Variants in PLXNC1 observed in about 807,000 individuals in gnomAD.
The protein encoded by PLXNC1 is plexin-C1.
In PLXNC1, 75 loss-of-function variants were observed where a neutral mutation model predicts 178.2. The ratio of observed to expected loss-of-function variants is 0.42; its 90% CI spans 0.35 to 0.51. PLXNC1 has a LOEUF of 0.51. PLXNC1 is among the 20% of genes least tolerant of loss of function. The pLI is 0.02. For synonymous variants in PLXNC1, 790 were observed against 779.9 expected (o/e 1.01, Z -0.22); for missense variants, 1,503 against 1,984.4 (o/e 0.76, Z 4.61).
At chr12:94,215,824 A>G (rs73226229) in intron 5 of PLXNC1, among the ~76,000 whole-genome samples, 4,166 of 152,316 alleles carry the variant, frequency 0.027, 82 homozygotes, top group Middle Eastern at 0.044. Context: ...TAAGAAATTG[A>G]TATGTAAAGC....
At position 94,307,256 on chromosome 12, in the gene PLXNC1, A is replaced by G. The variant is rs1158473065; in HGVS notation, c.*1971A>G. On this transcript the variant is annotated 3_prime_UTR_variant, in exon 31 of 31. Transcript: ENST00000258526. ...CCTCAATTTCTGTATAATATTTCTAAGCTACCTCACTGAGGTGGTATGAAG... is the reference window on the plus strand; with the variant it reads ...CCTCAATTTCTGTATAATATTTCTAGGCTACCTCACTGAGGTGGTATGAAG... The G allele has an allele frequency of 1.3e-5, 2 of 151,990 alleles. No individual in the cohort carries two copies. The allele number at this position is 151,990 out of a possible 1,614,324, so 9.4% of individuals were successfully genotyped here.
intron 9 of PLXNC1, among the ~76,000 whole-genome samples, chr12:94,235,808 G>A (rs969822717): frequency 6.6e-6 from 1 of 152,176 alleles, no homozygotes; most frequent in Non-Finnish European, 1.5e-5. Flanking sequence ...TTGACATTTT[G>A]TCATGGCCCA....
intron 1 of PLXNC1, among the ~76,000 whole-genome samples, chr12:94,164,699 ACACACACG>A (rs756515764): frequency 1.5e-5 from 2 of 137,580 alleles, no homozygotes; most frequent in African/African-American, 2.7e-5. Context: ...ACACACACAC[ACACACACG>A]TACACACACA....
chr12:94,152,426 G>A (rs760863929), intron 1 of PLXNC1, among the ~76,000 whole-genome samples: 5 of 152,340 alleles, frequency 3.3e-5, no homozygotes, highest in African/African-American at 7.2e-5. Flanking sequence ...CTGAAAGGAC[G>A]ATAGCAGATT....
intron 30 of PLXNC1, chr12:94,304,287 T>C (rs1347573120): frequency 7.5e-6 from 3 of 397,772 alleles, no homozygotes; most frequent in Non-Finnish European, 1.4e-5. Context: ...TTTGAGTTCA[T>C]GGGGCCTACA....
At chr12:94,266,938 G>A (rs984398820) in intron 21 of PLXNC1, among the ~76,000 whole-genome samples, 1 of 152,198 alleles carries the variant, frequency 6.6e-6, no homozygotes, top group Non-Finnish European at 1.5e-5. Context: ...GAATCTCTGG[G>A]GAGGGAGCCC....
At chr12:94,235,344 T>C (rs1964211682) in intron 9 of PLXNC1, among the ~76,000 whole-genome samples, 1 of 152,240 alleles carries the variant, frequency 6.6e-6, no homozygotes, top group South Asian at 2.1e-4. Flanking sequence ...AAATCTTTTT[T>C]ACATTAGTTG....
At chr12:94,258,704 C>T (rs1273848471) in intron 17 of PLXNC1, among the ~76,000 whole-genome samples, 1 of 152,198 alleles carries the variant, frequency 6.6e-6, no homozygotes, top group African/African-American at 2.4e-5. Context: ...ACTTACTCTG[C>T]ACCCATTTTA....
chr12:94,186,525 C>A (rs756198387), intron 4 of PLXNC1, 52 bp downstream of exon 4: 25 of 1,131,134 alleles, frequency 2.2e-5, no homozygotes, highest in Non-Finnish European at 2.1e-5. Context: ...AAGTGTCATG[C>A]GGCAGAACAC....
intron 2 of PLXNC1, among the ~76,000 whole-genome samples, chr12:94,171,741 G>GA (rs2135943971): frequency 6.6e-6 from 1 of 152,300 alleles, no homozygotes; most frequent in South Asian, 2.1e-4. Flanking sequence ...AGAGGCTCAG[G>GA]AAAGAGTCCC....
At chr12:94,166,443 C>A (rs1334648114) in intron 1 of PLXNC1, among the ~76,000 whole-genome samples, 1 of 152,036 alleles carries the variant, frequency 6.6e-6, no homozygotes, top group Non-Finnish European at 1.5e-5. Flanking sequence ...CTGGCTGGCT[C>A]TCTATGCTAT....
chr12:94,174,917 T>C (rs1429549608), intron 2 of PLXNC1, among the ~76,000 whole-genome samples: 1 of 152,230 alleles, frequency 6.6e-6, no homozygotes, highest in Non-Finnish European at 1.5e-5. Flanking sequence ...AAACTTTTAG[T>C]CCCATATAAT....
chr12:94,274,962 T>C (rs533883342), intron 21 of PLXNC1, among the ~76,000 whole-genome samples: 18 of 152,344 alleles, frequency 1.2e-4, no homozygotes, highest in African/African-American at 3.6e-4. Flanking sequence ...TAATTTGCTA[T>C]TATTATGTGT....
rs1490559302 is a variant in PLXNC1, at chr12:94,279,473, C to T, written c.3599C>T (p.Ala1200Val). The T allele has an allele frequency of 6.2e-7, 1 of 1,612,292 alleles. No individual in the cohort carries two copies. The highest frequency in any genetic ancestry group is 8.5e-7 in the Non-Finnish European group (1 of 1,178,834). ...LWQVPEFSTV[A>V]LNVVFEKIPE... is the part of the protein sequence containing the mutation. Reference sequence around the variant, plus strand: ...GGAAACCTGTTTGTACTCTTGCAGGCATTAAACGTCGTCTTTGAAAAAATC... The same window carrying T: ...GGAAACCTGTTTGTACTCTTGCAGGTATTAAACGTCGTCTTTGAAAAAATC... Residue 1200 changes from alanine to valine, a missense_variant and splice_region_variant, in exon 22 of 31, where the codon GCA (alanine) becomes GTA (valine). By Grantham distance (64) the Ala-to-Val change is moderately conservative. Around this residue, in one of 4 missense-constraint regions of PLXNC1, gnomAD observed 639 missense variants for 979.7 expected, o/e 0.65. Transcript: ENST00000258526.
At chr12:94,223,208 G>A (rs1285597027) in intron 6 of PLXNC1, among the ~76,000 whole-genome samples, 1 of 152,188 alleles carries the variant, frequency 6.6e-6, no homozygotes, top group Non-Finnish European at 1.5e-5. Flanking sequence ...GAGGTCAGGA[G>A]TTCAAGACCA....
chr12:94,260,527 AGCT>A lies in PLXNC1; in HGVS notation c.3252-114_3252-112del. 1.7e-6 allele frequency: 1 copy of A among 579,084 alleles called. No individual in the cohort carries two copies. The highest frequency in any genetic ancestry group is 2.9e-6 in the Non-Finnish European group (1 of 341,496). 35.9% of individuals were successfully genotyped at this position (579,084 alleles called of 1,614,324 possible). A position where few individuals can be genotyped will look rare whatever the true frequency, so the allele number is the denominator to read the frequency against. ...TAAACATTAAAAAAAAAAAAAAAAA[AGCT>A]CCCAACCCAACAGGCCAGCTCCCTG... On this transcript the variant is annotated intron_variant, in intron 19 of 30. Transcript: ENST00000258526. The surrounding 1 kb of genome is among the most constrained non-coding windows in gnomAD (Gnocchi z 4.4).
Position 94,149,664 on chromosome 12 carries a change from C to G in PLXNC1, c.693C>G (p.Ser231Arg). The change falls in exon 1 of 31, where the codon AGC becomes AGG. Residue 231 changes from serine to arginine, a missense_variant. Ser to Arg is a moderately radical substitution (Grantham distance 110). Transcript: ENST00000258526. Reference sequence around the variant, plus strand: ...TCAAGCTGTGCGAGGGCGCGGGCAGCCTGCACTTCGTGGACGCCTTTCTCT... The same window carrying G: ...TCAAGCTGTGCGAGGGCGCGGGCAGGCTGCACTTCGTGGACGCCTTTCTCT... Reference protein sequence around the residue: ...GRLKLCEGAGSLHFVDAFLWN... With the variant: ...GRLKLCEGAGRLHFVDAFLWN... 1 of 1,608,114 alleles carries G rather than the reference C, an allele frequency of 6.2e-7. No individual in the cohort carries two copies. The highest frequency in any genetic ancestry group is 1.3e-5 in the African/African-American group (1 of 74,898).
At chr12:94,234,700 A>G (rs1964195250) in intron 9 of PLXNC1, among the ~76,000 whole-genome samples, 1 of 152,220 alleles carries the variant, frequency 6.6e-6, no homozygotes, top group African/African-American at 2.4e-5. Context: ...GGGCTCTAAG[A>G]ATTTGTCTCT....
At position 94,248,285 on chromosome 12, in the gene PLXNC1, G is replaced by A; in HGVS notation, c.2651G>A (p.Gly884Glu). Residue 884 changes from glycine (G) to glutamate (E), a missense_variant, in exon 14 of 31, where the codon GGG becomes GAG. Gly to Glu is a moderately conservative substitution (Grantham distance 98). Coordinates refer to ENST00000258526, the MANE Select transcript of PLXNC1 (RefSeq NM_005761.3). ...KKDIEITLFHGENGQLNCSFE... is the reference protein window; with the variant it reads ...KKDIEITLFHEENGQLNCSFE... ...GACATTGAAATTACTCTCTTCCATGGGGAAAATGGGCAATTAAATTGCAGT... is the reference window on the plus strand; with the variant it reads ...GACATTGAAATTACTCTCTTCCATGAGGAAAATGGGCAATTAAATTGCAGT... The A allele has an allele frequency of 6.2e-7, 1 of 1,613,284 alleles. No homozygotes were observed. Among genetic ancestry groups the A allele is most frequent in the Non-Finnish European group, 8.5e-7 (1 of 1,179,474 alleles).
Sources: gnomAD v4.1 joint callset for allele counts (sites outside exome capture counted in the v4.1 genomes callset) on GRCh38, gnomAD v4.1.1 for gene constraint, gnomAD v4.1.1 regional missense constraint, Gnocchi (gnomAD v3.1) non-coding constraint, MANE v1.5 for transcripts, NCBI Gene and HGNC (gene_info 2026-07-23, HGNC 2026-07-21) for gene names.